The following THADA variants were observed in gnomAD, a reference collection of about 807,000 sequenced individuals.
THADA encodes the protein tRNA (32-2'-O)-methyltransferase regulator THADA.
Under a neutral mutation model 219.8 loss-of-function variants are expected in THADA, and 213 were observed. The ratio of observed to expected loss-of-function variants is 0.97; its 90% confidence interval spans 0.87 to 1.09. The LOEUF is 1.09. Ranked by LOEUF, THADA falls within the 50% of genes least tolerant of loss-of-function variation. THADA has a pLI of 0.00. For synonymous variants in THADA, 1,018 were observed against 828.9 expected, an observed-to-expected ratio of 1.23 and a Z score of -3.92; for missense variants, 2,956 against 2,311.3, an observed-to-expected ratio of 1.28 and a Z score of -5.72.
intron 29 of THADA, among the ~76,000 whole-genome samples, chr2:43,374,733 G>C (rs535509758): frequency 9.7e-4 from 148 of 152,108 alleles, no homozygotes; most frequent in African/African-American, 3.4e-3. Flanking sequence ...TAGTTAATAA[G>C]TTAACATATT....
At chr2:43,440,282 C>T (rs1297114020) in intron 26 of THADA, among the ~76,000 whole-genome samples, 1 of 152,034 alleles carries the variant, frequency 6.6e-6, no homozygotes, top group Non-Finnish European at 1.5e-5. Context: ...CTATTTTCTT[C>T]CATTTAATGG....
At chr2:43,431,638 T>C (rs1382912552) in intron 26 of THADA, among the ~76,000 whole-genome samples, 1 of 89,568 alleles carries the variant, frequency 1.1e-5, no homozygotes, top group East Asian at 2.5e-4. Context: ...GATAATTTTT[T>C]GTACTTTTTT....
At position 43,398,035 on chromosome 2, in the gene THADA, G is replaced by C. The variant is rs1180124387; in HGVS notation, c.4163C>G (p.Ser1388Cys). The C allele has an allele frequency of 3.7e-6, 6 of 1,613,994 alleles. 1 individual carries two copies. In the African/African-American group the frequency reaches 8.0e-5, roughly 22 times the overall value. Residue 1388 changes from serine (S) to cysteine (C), a missense_variant, in exon 29 of 38, where the codon TCC becomes TGC. Coordinates refer to ENST00000405975, the MANE Select transcript of THADA (RefSeq NM_022065.5). ...HIPNTIRTLL[S>C]TLPSCTDQCF... ...CTGGTCAGTGCAGCTGGGGAGTGTG[G>C]ACAACAGAGTTCGAATGGTATTAGG...
chr2:43,251,881 A>G (rs531958661), intron 36 of THADA, among the ~76,000 whole-genome samples: 2 of 152,300 alleles, frequency 1.3e-5, no homozygotes, highest in East Asian at 3.9e-4. Flanking sequence ...AAAATCTGTC[A>G]TATTGTGAGC....
chr2:43,547,523 C>G (rs573063266), intron 20 of THADA, among the ~76,000 whole-genome samples: 275 of 152,332 alleles, frequency 1.8e-3, no homozygotes, highest in African/African-American at 6.5e-3. Context: ...TAGATTTGGT[C>G]TTTTCACATA....
Position 43,291,741 on chromosome 2 carries a change from T to G in THADA, c.4965A>C (p.Arg1655Ser). 1 of 1,555,256 alleles carries G rather than the reference T, an allele frequency of 6.4e-7. No homozygotes were observed. The highest frequency in any genetic ancestry group is 8.7e-7 in the Non-Finnish European group (1 of 1,147,948). Residue 1655 changes from arginine (R) to serine (S), a missense_variant, in exon 34 of 38, where the codon AGA becomes AGC. Coordinates refer to ENST00000405975, the MANE Select transcript of THADA (RefSeq NM_022065.5). ...GGTGGGAAATGACTTTGGAAGCAAG[T>G]CTCAGAGCTACACTCTGAATTTCAG... is the stretch of plus-strand genomic sequence containing the variant. Reference protein sequence around the residue: ...ERSEIQSVALRLASKVISHHM... With the variant: ...ERSEIQSVALSLASKVISHHM...
intron 5 of THADA, 52 bp from the exon 6 acceptor site, chr2:43,586,786 G>A: frequency 2.5e-6 from 4 of 1,610,382 alleles, no homozygotes; most frequent in African/African-American, 1.3e-5. Context: ...CAAAATCAAT[G>A]TCATTTAAAA....
chr2:43,249,767 A>G (rs1287672876), intron 36 of THADA, among the ~76,000 whole-genome samples: 1 of 151,906 alleles, frequency 6.6e-6, no homozygotes, highest in African/African-American at 2.4e-5. Flanking sequence ...GTGACCCTGA[A>G]TCTTCTCAGT....
intron 25 of THADA, among the ~76,000 whole-genome samples, chr2:43,488,590 A>T (rs992108364): frequency 1.2e-4 from 19 of 152,174 alleles, no homozygotes; most frequent in African/African-American, 4.3e-4. Flanking sequence ...CATTTGACGG[A>T]CATTTGGGCT....
intron 19 of THADA, 53 bp downstream of exon 19, chr2:43,551,736 A>C (rs1696774802): frequency 2.0e-6 from 3 of 1,518,038 alleles, no homozygotes; most frequent in Non-Finnish European, 2.6e-6. Context: ...AAAAGAGGTA[A>C]AGACATAATA....
chr2:43,339,303 C>CAA lies in THADA; in HGVS notation c.4343+4818_4343+4819insTT, dbSNP rs1265169510. ...CATTCATTCATTCATTTTCTTGAGA[C>CAA]AGAGTCTTTCTCTGTTGCTCGGGTT... is the stretch of plus-strand genomic sequence containing the variant. On this transcript the variant is annotated intron_variant, in intron 30 of 37. Coordinates refer to ENST00000405975, the MANE Select transcript of THADA (RefSeq NM_022065.5). Among the ~76,000 whole-genome samples the CAA allele has an allele frequency of 2.0e-5, 3 of 152,348 alleles. No individual in the cohort carries two copies. In the East Asian group the frequency reaches 5.8e-4, roughly 29 times the overall value.
At chr2:43,355,596 C>G (rs1437153339) in intron 29 of THADA, among the ~76,000 whole-genome samples, 1 of 152,114 alleles carries the variant, frequency 6.6e-6, no homozygotes, top group Non-Finnish European at 1.5e-5. Flanking sequence ...TCAAGGTTTC[C>G]CCTGTGTTTT....
chr2:43,331,077 C>T (rs1488814796), intron 30 of THADA, among the ~76,000 whole-genome samples: 1 of 152,172 alleles, frequency 6.6e-6, no homozygotes, highest in Non-Finnish European at 1.5e-5. Flanking sequence ...AGGTGGGTCT[C>T]CGGGCCCCCA....
At chr2:43,497,250 A>G (rs1469610364) in intron 25 of THADA, among the ~76,000 whole-genome samples, 1 of 152,242 alleles carries the variant, frequency 6.6e-6, no homozygotes. Flanking sequence ...TGTTTATTGC[A>G]GCACTATTTA....
chr2:43,576,920 G>T, intron 10 of THADA, 102 bp downstream of exon 10: 1 of 1,001,344 alleles, frequency 1.0e-6, no homozygotes, highest in Non-Finnish European at 1.5e-6. Flanking sequence ...CTACTGGGAG[G>T]GTAGCTGGGA....
At chr2:43,377,520 T>C (rs1671517104) in intron 29 of THADA, among the ~76,000 whole-genome samples, 1 of 152,272 alleles carries the variant, frequency 6.6e-6, no homozygotes, top group Non-Finnish European at 1.5e-5. Flanking sequence ...ACAGGGGAAT[T>C]AGATGCTGAG....
chr2:43,232,740 G>T lies in THADA; in HGVS notation c.5439C>A (p.Leu1813=). 1 of 1,613,928 alleles carries T rather than the reference G, an allele frequency of 6.2e-7. No homozygotes were observed. Among genetic ancestry groups the T allele is most frequent in the Non-Finnish European group, 8.5e-7 (1 of 1,179,866 alleles). The change falls in exon 37 of 38, where the codon CTC becomes CTA. Residue 1813 remains leucine, a synonymous_variant. Coordinates refer to ENST00000405975, the MANE Select transcript of THADA (RefSeq NM_022065.5). ...LGWLLGESDD[L]VACVESMHQV... ...GATGCATGCTCTCCACACAGGCCAC[G>T]AGGTCATCACTCTCTCCCAACAGCC...
chr2:43,286,991 A>C lies in THADA; in HGVS notation c.5081T>G (p.Leu1694Arg). The change falls in exon 35 of 38, where the codon CTT becomes CGT. Residue 1694 changes from leucine to arginine, a missense_variant. By Grantham distance (102) the Leu-to-Arg change is moderately radical (BLOSUM62 -2). Transcript: ENST00000405975. ...GACGGCCAGCCTAGACTCTGTAGGA[A>C]GATGGTCTTCACATGACAAGATGAC... is the stretch of plus-strand genomic sequence containing the variant. The part of the protein sequence containing the change: ...QLVILSCEDH[L>R]PTESRLAVVE... 4 of 1,614,028 alleles carry C rather than the reference A, an allele frequency of 2.5e-6. No individual in the cohort carries two copies. The South Asian group carries it at 4.4e-5, about 18-fold the overall frequency.
At chr2:43,438,737 C>T (rs938433395) in intron 26 of THADA, among the ~76,000 whole-genome samples, 8 of 152,098 alleles carry the variant, frequency 5.3e-5, no homozygotes, top group Admixed American at 5.2e-4. Flanking sequence ...ATTTCCATAC[C>T]CCTAGTGGAT....
Sources: allele counts gnomAD v4.1 joint callset (sites outside exome capture counted in the v4.1 genomes callset), GRCh38; gene constraint gnomAD v4.1.1; transcripts MANE v1.5; gene names NCBI Gene and HGNC (gene_info 2026-07-23, HGNC 2026-07-21).